The following MAPK4 variants were observed in gnomAD, a reference collection of about 807,000 sequenced individuals.
The protein encoded by MAPK4 is mitogen-activated protein kinase 4, also known as Erk3-related.
MAPK4 carries 22 observed loss-of-function variants against 47.7 expected under a neutral mutation model. That is an observed-to-expected ratio of 0.46 (90% confidence interval 0.33 to 0.66). The LOEUF (loss-of-function observed/expected upper bound fraction) is 0.66. MAPK4 is among the 30% of genes least tolerant of loss of function. The pLI, the probability that MAPK4 is intolerant of heterozygous loss-of-function variation, is 0.02. For missense variants in MAPK4, 736 were observed against 831.7 expected, an observed-to-expected ratio of 0.88 and a Z score of 1.42; for synonymous variants, 390 against 365.7, an observed-to-expected ratio of 1.07 and a Z score of -0.76.
intron 2 of MAPK4, among the ~76,000 whole-genome samples, chr18:50,692,314 G>A (rs1001667584): frequency 3.9e-5 from 6 of 152,162 alleles, no homozygotes; most frequent in Non-Finnish European, 5.9e-5. Flanking sequence ...CTCATTCTCC[G>A]TGGACCAAAT....
At chr18:50,697,135 G>T (rs1048346949) in intron 2 of MAPK4, among the ~76,000 whole-genome samples, 7 of 152,184 alleles carry the variant, frequency 4.6e-5, no homozygotes, top group South Asian at 4.1e-4. Context: ...CTCCCCAGGG[G>T]GTTCTGATGC....
intron 1 of MAPK4, among the ~76,000 whole-genome samples, chr18:50,569,859 A>G (rs772922588): frequency 6.6e-6 from 1 of 152,186 alleles, no homozygotes; most frequent in Non-Finnish European, 1.5e-5. Context: ...CTAGCTTCCT[A>G]TTTTGGATTG....
At chr18:50,651,531 G>T (rs971331521) in intron 1 of MAPK4, among the ~76,000 whole-genome samples, 10 of 152,158 alleles carry the variant, frequency 6.6e-5, no homozygotes, top group African/African-American at 1.9e-4. Context: ...GTACAACCAC[G>T]TTTCCTCTCC....
chr18:50,706,103 A>G (rs906938969), intron 2 of MAPK4: 8 of 152,238 alleles, frequency 5.3e-5, no homozygotes, highest in African/African-American at 1.9e-4. Flanking sequence ...TGCCTGGCAC[A>G]TCATAATTTC....
chr18:50,608,119 G>A (rs1035638379), intron 1 of MAPK4, among the ~76,000 whole-genome samples: 1 of 152,094 alleles, frequency 6.6e-6, no homozygotes, highest in Non-Finnish European at 1.5e-5. Flanking sequence ...CTTGCCCGTT[G>A]GAAACCAGGA....
At chr18:50,706,166 T>G (rs1218167997) in intron 2 of MAPK4, 1 of 152,216 alleles carries the variant, frequency 6.6e-6, no homozygotes, top group Admixed American at 6.5e-5. Context: ...AAATTTTTAC[T>G]TCCTGTGGTT....
intron 1 of MAPK4, among the ~76,000 whole-genome samples, chr18:50,576,810 T>A (rs545372104): frequency 2.0e-5 from 3 of 152,314 alleles, no homozygotes; most frequent in African/African-American, 7.2e-5. Flanking sequence ...CATATTCCTT[T>A]TATGCCAAGC....
At chr18:50,652,602 T>G (rs2043062506) in intron 1 of MAPK4, among the ~76,000 whole-genome samples, 1 of 151,944 alleles carries the variant, frequency 6.6e-6, no homozygotes, top group Non-Finnish European at 1.5e-5. Context: ...TGGTCTGGAG[T>G]ATGGAGCTTC....
In MAPK4 at chr18:50,729,740, C is replaced by T. The variant is rs2144504267; in HGVS notation, c.1650C>T (p.Cys550=). 6.2e-7 allele frequency: 1 copy of T among 1,601,952 alleles called. No individual in the cohort carries two copies. The highest frequency in any genetic ancestry group is 8.5e-7 in the Non-Finnish European group (1 of 1,175,614). The stretch of plus-strand genomic sequence containing the variant: ...TCATCTCCCGCGCCCTGAAGCTCTG[C>T]ACCAAGCCCGAGGACCTGCCGGACA... The part of the protein sequence containing the change: ...DVFISRALKL[C]TKPEDLPDNK... The change falls in exon 6 of 6, where the codon TGC becomes TGT. Residue 550 remains cysteine (C), a synonymous_variant. Transcript: ENST00000400384.
intron 2 of MAPK4, among the ~76,000 whole-genome samples, chr18:50,692,993 C>T (rs1220322049): frequency 1.3e-5 from 2 of 152,142 alleles, no homozygotes; most frequent in African/African-American, 2.4e-5. Flanking sequence ...CGGTGGCTCA[C>T]GCCTGTAATC....
Position 50,705,478 on chromosome 18 carries a change from T to G in MAPK4, c.547-9601T>G, listed in dbSNP as rs1326536592. On this transcript the variant is annotated intron_variant, in intron 2 of 5. Coordinates refer to ENST00000400384, the MANE Select transcript of MAPK4 (RefSeq NM_002747.4). ...ATATCCCCAAATGTAAAATGAAAAA[T>G]AAATACCTTCAACAGGGTTCTCAGG... is the stretch of plus-strand genomic sequence containing the variant. 3.3e-5 allele frequency: 5 copies of G among 152,052 alleles called. No individual in the cohort carries two copies. In the East Asian group the frequency reaches 9.6e-4, roughly 29 times the overall value. The allele number at this position is 152,052 out of a possible 1,614,324, so 9.4% of individuals were successfully genotyped here. A position where few individuals can be genotyped will look rare whatever the true frequency, so the allele number is the denominator to read the frequency against.
At chr18:50,722,596 T>C (rs1434337803) in intron 4 of MAPK4, among the ~76,000 whole-genome samples, 2 of 151,470 alleles carry the variant, frequency 1.3e-5, no homozygotes, top group Non-Finnish European at 2.9e-5. Context: ...TGCCTCTAGC[T>C]CTCAGAGGCT....
chr18:50,724,018 CTT>C (rs908872516), intron 4 of MAPK4, among the ~76,000 whole-genome samples: 10 of 152,076 alleles, frequency 6.6e-5, no homozygotes, highest in Admixed American at 3.9e-4. Context: ...TGGTACTCGA[CTT>C]TTTTTCTTTT....
intron 2 of MAPK4, among the ~76,000 whole-genome samples, chr18:50,685,458 G>A (rs16952403): frequency 0.037 from 5,640 of 152,308 alleles, 213 homozygotes; most frequent in African/African-American, 0.096. Flanking sequence ...CCTTCATCCA[G>A]CGGGGGCCCA....
At chr18:50,712,928 G>C (rs781611533) in intron 2 of MAPK4, among the ~76,000 whole-genome samples, 26 of 152,242 alleles carry the variant, frequency 1.7e-4, no homozygotes, top group Non-Finnish European at 2.9e-4. Flanking sequence ...ACAGTATTTG[G>C]CTTGTTCCTG....
chr18:50,584,531 G>C (rs568349061), intron 1 of MAPK4, among the ~76,000 whole-genome samples: 1 of 152,336 alleles, frequency 6.6e-6, no homozygotes, highest in African/African-American at 2.4e-5. Context: ...TTTGAACTCT[G>C]CATGATGTAT....
At chr18:50,577,435 C>A (rs377177698) in intron 1 of MAPK4, among the ~76,000 whole-genome samples, 15 of 152,210 alleles carry the variant, frequency 9.9e-5, no homozygotes, top group African/African-American at 3.1e-4. Context: ...TTTAAAATAC[C>A]GATGTCTGGG....
At chr18:50,648,378 G>A (rs2043011722) in intron 1 of MAPK4, among the ~76,000 whole-genome samples, 1 of 152,126 alleles carries the variant, frequency 6.6e-6, no homozygotes, top group African/African-American at 2.4e-5. Context: ...ACAGGTGCAG[G>A]CATGACCGTG....
chr18:50,611,845 C>T (rs1330933796), intron 1 of MAPK4, among the ~76,000 whole-genome samples: 1 of 152,180 alleles, frequency 6.6e-6, no homozygotes, highest in Non-Finnish European at 1.5e-5. Flanking sequence ...ACACCATTGA[C>T]ATCACTTTCC....
Sources: allele counts gnomAD v4.1 joint callset (sites outside exome capture counted in the v4.1 genomes callset), GRCh38; gene constraint gnomAD v4.1.1; transcripts MANE v1.5; gene names NCBI Gene and HGNC (gene_info 2026-07-23, HGNC 2026-07-21).